TRIM63: variants seen among roughly 807,000 people sequenced by gnomAD.
TRIM63 encodes tripartite motif containing 63, also known as E3 ubiquitin-protein ligase TRIM63.
Under a neutral mutation model 46.0 loss-of-function variants are expected in TRIM63, and 48 were observed. The ratio of observed to expected loss-of-function variants is 1.04; its 90% CI spans 0.83 to 1.33. The LOEUF (loss-of-function observed/expected upper bound fraction) is 1.33. Among genes scored for constraint, TRIM63 ranks in the 40% most tolerant of loss-of-function variants. The pLI is 0.00. For missense variants in TRIM63, 455 were observed against 441.2 expected (o/e 1.03, Z -0.28); for synonymous variants, 175 against 162.8 (o/e 1.08, Z -0.57).
intron 4 of TRIM63, among the ~76,000 whole-genome samples, chr1:26,059,070 G>A (rs988244896): frequency 2.5e-5 from 3 of 119,898 alleles, no homozygotes; most frequent in Non-Finnish European, 4.8e-5. Context: ...TGTTGCCCCC[G>A]CTGGAGTGCA....
intron 5 of TRIM63, 90 bp downstream of exon 5, chr1:26,058,300 G>A: frequency 2.6e-6 from 3 of 1,157,976 alleles, no homozygotes; most frequent in Non-Finnish European, 2.5e-6. Context: ...TTTTCCAAGG[G>A]CCCATGGGTG....
In TRIM63 at chr1:26,058,576, C is replaced by A. The variant is rs117577030; in HGVS notation, c.645G>T (p.Thr215=). The A allele has an allele frequency of 1.2e-6, 2 of 1,614,058 alleles. No individual in the cohort carries two copies. Among genetic ancestry groups the A allele is most frequent in the African/African-American group, 1.3e-5 (1 of 74,918 alleles). The change falls in exon 5 of 9, where the codon ACG becomes ACT. Residue 215 remains threonine, a synonymous_variant. Transcript: ENST00000374272. ...TCTTCTCATCCAGGATGGCATACAA[C>A]GTGTCAAACTTCTGGCTCAGCTCTT... The part of the protein sequence containing the change: ...VKEELSQKFD[T]LYAILDEKKS...
chr1:26,061,459 C>T (rs894255141), intron 2 of TRIM63, 125 bp from the exon 3 acceptor site: 11 of 1,025,484 alleles, frequency 1.1e-5, no homozygotes, highest in Middle Eastern at 5.2e-4. Context: ...CCCAGGAATT[C>T]GAGGCTGCAG....
At chr1:26,063,193 C>T (rs2050643474) in intron 2 of TRIM63, among the ~76,000 whole-genome samples, 1 of 152,132 alleles carries the variant, frequency 6.6e-6, no homozygotes, top group African/African-American at 2.4e-5. Context: ...CCTCAGTCTC[C>T]CCAGTAGCTG....
At chr1:26,063,256 G>C (rs1208208425) in intron 2 of TRIM63, among the ~76,000 whole-genome samples, 1 of 145,284 alleles carries the variant, frequency 6.9e-6, no homozygotes, top group East Asian at 2.1e-4. Flanking sequence ...TGAGTCTTCT[G>C]TCTCCGGCTA....
Position 26,067,533 on chromosome 1 carries a change from T to C in TRIM63, c.-39A>G, listed in dbSNP as rs771663453. ...ATGAGAGCCACGCCTAGCTGCCTCC[T>C]CTACTAACTTTGCTCTAAGTAGACC... On this transcript the variant is annotated 5_prime_UTR_variant, in exon 1 of 9. Transcript: ENST00000374272. The C allele has an allele frequency of 3.1e-6, 5 of 1,608,388 alleles. No individual in the cohort carries two copies. The East Asian group carries it at 6.7e-5, about 22-fold the overall frequency.
intron 8 of TRIM63, 49 bp downstream of exon 8, chr1:26,053,844 T>C: frequency 7.1e-7 from 1 of 1,399,650 alleles, no homozygotes; most frequent in Non-Finnish European, 1.0e-6. Flanking sequence ...CTCAGATTGT[T>C]GTGGAATGAA....
At chr1:26,053,094 C>A (rs1557570005) in intron 8 of TRIM63, among the ~76,000 whole-genome samples, 1 of 151,934 alleles carries the variant, frequency 6.6e-6, no homozygotes, top group Non-Finnish European at 1.5e-5. Flanking sequence ...CAGATATGTA[C>A]CACCATGCCT....
At chr1:26,055,352 G>T (rs528522641) in intron 7 of TRIM63, among the ~76,000 whole-genome samples, 2 of 152,114 alleles carry the variant, frequency 1.3e-5, no homozygotes, top group South Asian at 4.1e-4. Flanking sequence ...AGGGCTTAGC[G>T]CCTAGGACAT....
rs902319392 is a variant in TRIM63, at chr1:26,058,447, C to T, written c.774G>A (p.Lys258=). 11 of 1,614,066 alleles carry T rather than the reference C, an allele frequency of 6.8e-6. No homozygotes were observed. The highest frequency in any genetic ancestry group is 9.3e-6 in the Non-Finnish European group (11 of 1,180,048). Residue 258 remains lysine, a synonymous_variant, in exon 5 of 9, where the codon AAG becomes AAA. Coordinates refer to ENST00000374272, the MANE Select transcript of TRIM63 (RefSeq NM_032588.4). The stretch of plus-strand genomic sequence containing the variant: ...GGGACTGGATGGCAGTTTCCACCAG[C>T]TTTGTGGACTTGTCCAGCTGCTCCT... ...QYQEQLDKST[K]LVETAIQSLD... is the part of the protein sequence containing the mutation.
intron 4 of TRIM63, among the ~76,000 whole-genome samples, chr1:26,059,023 C>CG (rs1553145770): frequency 1.7e-5 from 2 of 116,940 alleles, no homozygotes; most frequent in African/African-American, 6.7e-5. Context: ...CTCTGTTGCC[C>CG]TTTTTTTTTT....
intron 3 of TRIM63, among the ~76,000 whole-genome samples, chr1:26,060,594 A>C (rs548612926): frequency 1.5e-4 from 23 of 152,248 alleles, no homozygotes; most frequent in Non-Finnish European, 3.4e-4. Context: ...GAGCTGCCCA[A>C]AACACACAGC....
intron 2 of TRIM63, among the ~76,000 whole-genome samples, chr1:26,063,054 G>A (rs932900451): frequency 2.3e-5 from 3 of 128,152 alleles, no homozygotes; most frequent in African/African-American, 9.5e-5. Context: ...ACAGCACCCA[G>A]CCTTTGTTTG....
At chr1:26,060,500 C>T (rs745776892) in intron 3 of TRIM63, 139 bp from the exon 4 acceptor site, 30 of 634,406 alleles carry the variant, frequency 4.7e-5, no homozygotes, top group African/African-American at 1.3e-4. Context: ...GCCCCTCTTT[C>T]GGGTATAGCT....
rs763887017 is a variant in TRIM63 at position 26,058,431 on chromosome 1, T to C, written c.790A>G (p.Ile264Val). 1 of 1,614,168 alleles carries C rather than the reference T, an allele frequency of 6.2e-7. No individual in the cohort carries two copies. The highest frequency in any genetic ancestry group is 2.2e-5 in the East Asian group (1 of 44,880). The change falls in exon 5 of 9, where the codon ATC (isoleucine) becomes GTC (valine). Residue 264 changes from isoleucine (I) to valine (V), a missense_variant. Transcript: ENST00000374272. ...DKSTKLVETAIQSLDEPGGAT... is the reference protein window; with the variant it reads ...DKSTKLVETAVQSLDEPGGAT... ...CCCCCAGGCTCGTCCAGGGACTGGATGGCAGTTTCCACCAGCTTTGTGGAC... is the reference window on the plus strand; with the variant it reads ...CCCCCAGGCTCGTCCAGGGACTGGACGGCAGTTTCCACCAGCTTTGTGGAC...
At chr1:26,051,950 C>T (rs2050526771) in intron 8 of TRIM63, 67 bp from the exon 9 acceptor site, 2 of 1,246,172 alleles carry the variant, frequency 1.6e-6, no homozygotes, top group East Asian at 5.7e-5. Context: ...CAAGGCTTAC[C>T]AAGCTACTGT....
chr1:26,059,024 T>C (rs964518834), intron 4 of TRIM63, among the ~76,000 whole-genome samples: 3 of 14,448 alleles, frequency 2.1e-4, no homozygotes, highest in Non-Finnish European at 4.2e-4. Context: ...TCTGTTGCCC[T>C]TTTTTTTTTT....
intron 4 of TRIM63, among the ~76,000 whole-genome samples, chr1:26,059,673 A>T (rs2050605376): frequency 6.6e-6 from 1 of 151,826 alleles, no homozygotes; most frequent in South Asian, 2.1e-4. Flanking sequence ...CCTTCCCCTC[A>T]TCTCATCTCC....
At chr1:26,063,940 T>C (rs980339865) in intron 2 of TRIM63, among the ~76,000 whole-genome samples, 5 of 152,242 alleles carry the variant, frequency 3.3e-5, no homozygotes, top group Non-Finnish European at 5.9e-5. Flanking sequence ...CAACAATATG[T>C]TTGCATTTTG....
Sources: allele counts gnomAD v4.1 joint callset (sites outside exome capture counted in the v4.1 genomes callset), GRCh38; gene constraint gnomAD v4.1.1; transcripts MANE v1.5; gene names NCBI Gene and HGNC (gene_info 2026-07-23, HGNC 2026-07-21).